Variants in P4HA3 observed in about 807,000 individuals in gnomAD.
P4HA3 encodes prolyl 4-hydroxylase subunit alpha-3.
In P4HA3, 60 loss-of-function variants were observed where a neutral mutation model predicts 66.7. The observed-to-expected ratio is 0.90, with a 90% confidence interval of 0.73 to 1.12. The LOEUF (loss-of-function observed/expected upper bound fraction) is 1.12. Ranked by LOEUF, P4HA3 falls within the 50% of genes most tolerant of loss-of-function variation. The pLI, the probability that P4HA3 is intolerant of heterozygous loss-of-function variation, is 0.00. For missense variants in P4HA3, 683 were observed against 685.8 expected (o/e 1.00, Z 0.05); for synonymous variants, 263 against 274.6 (o/e 0.96, Z 0.42).
Position 74,285,959 on chromosome 11 carries a change from G to A in P4HA3, c.960C>T (p.Leu320=). The A allele has an allele frequency of 6.2e-7, 1 of 1,610,206 alleles. No homozygotes were observed. The change falls in exon 7 of 13, where the codon CTC becomes CTT. Residue 320 remains leucine (L), a synonymous_variant. Transcript: ENST00000331597. The part of the protein sequence containing the change: ...SQPTLYQIPS[L]YCSYETNSNA... ...TGGAATTGGTCTCATAGGAACAGTA[G>A]AGGCTAGGGATCTGGTAGAGAGTGG...
chr11:74,275,572 G>A lies in P4HA3; in HGVS notation c.1335+1413C>T, dbSNP rs73550738. On this transcript the variant is annotated intron_variant, in intron 9 of 12. Transcript: ENST00000331597. The stretch of plus-strand genomic sequence containing the variant: ...CTGGTACCACACTGCCTTGATTCCT[G>A]TAGCTCTATATTAAGTTTTGAGATC... Among the ~76,000 whole-genome samples the A allele has an allele frequency of 2.4e-3, 372 of 152,238 alleles. 2 individuals carry two copies. Among genetic ancestry groups the A allele is most frequent in the African/African-American group, 8.6e-3 (356 of 41,554 alleles).
Position 74,311,566 on chromosome 11 carries a change from G to T in P4HA3, c.46C>A (p.Leu16Ile). 1 of 1,535,616 alleles carries T rather than the reference G, an allele frequency of 6.5e-7. No homozygotes were observed. Among genetic ancestry groups the T allele is most frequent in the Non-Finnish European group, 8.7e-7 (1 of 1,152,154 alleles). Residue 16 changes from leucine to isoleucine, a missense_variant, in exon 1 of 13, where the codon CTC (leucine) becomes ATC (isoleucine). Leu to Ile is a conservative substitution (Grantham distance 5, BLOSUM62 2). Coordinates refer to ENST00000331597, the MANE Select transcript of P4HA3 (RefSeq NM_182904.5). Reference protein sequence around the residue: ...RLAALLAVLALGTGDPERAAA... With the variant: ...RLAALLAVLAIGTGDPERAAA... Reference sequence around the variant, plus strand: ...GCCCTTTCTGGGTCTCCTGTCCCGAGCGCCAGCACCGCCAGCAGCGCCGCC... The same window carrying T: ...GCCCTTTCTGGGTCTCCTGTCCCGATCGCCAGCACCGCCAGCAGCGCCGCC...
chr11:74,311,335 A>G, intron 1 of P4HA3, 77 bp downstream of exon 1: 5 of 1,379,988 alleles, frequency 3.6e-6, no homozygotes, highest in Non-Finnish European at 4.7e-6. Flanking sequence ...GGTCACACTC[A>G]ACCTGAGTCA....
In P4HA3 at chr11:74,285,856, C is replaced by T. The variant is rs372242422; in HGVS notation, c.1063G>A (p.Val355Ile). ...EPYIALYHDF[V>I]SDSEAQKIRE... Reference sequence around the variant, plus strand: ...ATTTTCTGAGCCTCTGAGTCACTGACGAAGTCATGGTAGAGAGCAATGTAG... The same window carrying T: ...ATTTTCTGAGCCTCTGAGTCACTGATGAAGTCATGGTAGAGAGCAATGTAG... The change falls in exon 7 of 13, where the codon GTC becomes ATC. Residue 355 changes from valine to isoleucine, a missense_variant. Val to Ile is a conservative substitution (Grantham distance 29). Transcript: ENST00000331597. 7.7e-5 allele frequency: 125 copies of T among 1,613,942 alleles called. No individual in the cohort carries two copies. The highest frequency in any genetic ancestry group is 9.9e-5 in the Non-Finnish European group (117 of 1,179,980).
In P4HA3 at chr11:74,311,433, G is replaced by A; in HGVS notation, c.179C>T (p.Ala60Val). ...LLRRYLRGEE[A>V]RLRDLTRFYD... ...TCACCTAGTCAGGTCCCGCAGCCGC[G>A]CCTCCTCCCCGCGCAGGTACCGCCT... The change falls in exon 1 of 13, where the codon GCG becomes GTG. Residue 60 changes from alanine (A) to valine (V), a missense_variant. Ala to Val is a moderately conservative substitution (Grantham distance 64, BLOSUM62 0). Coordinates refer to ENST00000331597, the MANE Select transcript of P4HA3 (RefSeq NM_182904.5). 2 of 1,533,034 alleles carry A rather than the reference G, an allele frequency of 1.3e-6. No homozygotes were observed. The highest frequency in any genetic ancestry group is 2.0e-5 in the Admixed American group (1 of 50,460). The allele number at this position is 1,533,034 out of a possible 1,614,324, so 95.0% of individuals were successfully genotyped here.
intron 9 of P4HA3, 94 bp from the exon 10 acceptor site, chr11:74,273,701 G>A (rs1162082955): frequency 9.8e-7 from 1 of 1,016,828 alleles, no homozygotes; most frequent in Non-Finnish European, 1.3e-6. Context: ...AAGTAAAATG[G>A]GGGCATCAAA....
intron 4 of P4HA3, among the ~76,000 whole-genome samples, chr11:74,291,030 T>C (rs1254599646): frequency 6.6e-6 from 1 of 152,224 alleles, no homozygotes; most frequent in Admixed American, 6.5e-5. Flanking sequence ...ATAAATTACT[T>C]TGGGCAGTAT....
intron 9 of P4HA3, among the ~76,000 whole-genome samples, chr11:74,274,300 T>G (rs1008917484): frequency 1.3e-5 from 2 of 149,494 alleles, no homozygotes; most frequent in Non-Finnish European, 1.5e-5. Context: ...TTGGTTTTTT[T>G]TTTGTTTTTT....
chr11:74,264,070 G>C (rs1375893908), downstream of P4HA3, among the ~76,000 whole-genome samples: 1 of 152,214 alleles, frequency 6.6e-6, no homozygotes, highest in Admixed American at 6.5e-5. Context: ...ATGGAGACTA[G>C]TGCAAATACA....
At chr11:74,300,591 G>T (rs1861376283) in intron 3 of P4HA3, among the ~76,000 whole-genome samples, 1 of 152,168 alleles carries the variant, frequency 6.6e-6, no homozygotes, top group Non-Finnish European at 1.5e-5. Flanking sequence ...AGCCATGATT[G>T]TGTCACTGCA....
In P4HA3 at chr11:74,266,965, A is replaced by G; in HGVS notation, c.*283T>C. ...ACTGTTGAGATGTCCTGTTCCCAACAGAGAGTATCTGAACTCCAGAAACTT... is the reference window on the plus strand; with the variant it reads ...ACTGTTGAGATGTCCTGTTCCCAACGGAGAGTATCTGAACTCCAGAAACTT... On this transcript the variant is annotated 3_prime_UTR_variant, in exon 13 of 13. Transcript: ENST00000331597. 7.1e-7 allele frequency: 1 copy of G among 1,414,472 alleles called. No individual in the cohort carries two copies. Among genetic ancestry groups the G allele is most frequent in the Non-Finnish European group, 9.4e-7 (1 of 1,063,486 alleles). The allele number at this position is 1,414,472 out of a possible 1,614,324, so 87.6% of individuals were successfully genotyped here.
At chr11:74,287,640 A>G (rs1374464170) in intron 5 of P4HA3, among the ~76,000 whole-genome samples, 2 of 152,240 alleles carry the variant, frequency 1.3e-5, no homozygotes, top group African/African-American at 4.8e-5. Context: ...AAATGGATTC[A>G]TTAAAAAGTT....
rs1307090081 is a variant in P4HA3 at position 74,277,085 on chromosome 11, G to A, written c.1235C>T (p.Ala412Val). Residue 412 changes from alanine to valine, a missense_variant, in exon 9 of 13, where the codon GCC becomes GTC. By Grantham distance (64) the Ala-to-Val change is moderately conservative. Coordinates refer to ENST00000331597, the MANE Select transcript of P4HA3 (RefSeq NM_182904.5). The stretch of plus-strand genomic sequence containing the variant: ...AGGCCGGACATCAAGGCCTGTGAGG[G>A]CAGCAATGCGGTGGTTGAGGGTCAC... Reference protein sequence around the residue: ...KLVTLNHRIAALTGLDVRPPY... With the variant: ...KLVTLNHRIAVLTGLDVRPPY... The A allele has an allele frequency of 6.2e-7, 1 of 1,614,144 alleles. No homozygotes were observed. The highest frequency in any genetic ancestry group is 1.7e-5 in the Admixed American group (1 of 60,006).
intron 4 of P4HA3, among the ~76,000 whole-genome samples, chr11:74,291,554 C>T (rs1425663501): frequency 2.0e-5 from 3 of 152,166 alleles, no homozygotes; most frequent in Admixed American, 1.3e-4. Context: ...CCAGTTTTTG[C>T]CCATTCAGTA....
At chr11:74,267,366 C>G (rs749264705) in intron 12 of P4HA3, 48 bp from the exon 13 acceptor site, 12 of 1,605,972 alleles carry the variant, frequency 7.5e-6, no homozygotes, top group Non-Finnish European at 5.1e-6. Context: ...GCAGAACAGA[C>G]AGCAGCAATG....
At chr11:74,259,598 C>A (rs1859878028) in intron 15 of P4HA3, among the ~76,000 whole-genome samples, 1 of 152,180 alleles carries the variant, frequency 6.6e-6, no homozygotes, top group African/African-American at 2.4e-5. Context: ...TAAGCAATAA[C>A]TCCTGCCTGC....
chr11:74,302,635 G>C (rs1305921206), intron 2 of P4HA3, 43 bp from the exon 3 acceptor site: 1 of 1,548,300 alleles, frequency 6.5e-7, no homozygotes, highest in Admixed American at 1.9e-5. Context: ...TCAAGAAACA[G>C]GAGTTGGGCA....
chr11:74,278,832 C>T (rs1860487894), intron 8 of P4HA3, among the ~76,000 whole-genome samples: 2 of 152,116 alleles, frequency 1.3e-5, no homozygotes, highest in Non-Finnish European at 2.9e-5. Context: ...GGTCTGGCCT[C>T]CCCCCAAGGA....
rs1346960223 is a variant in P4HA3, at chr11:74,305,671, A to G, written c.201-1259T>C. On this transcript the variant is annotated intron_variant, in intron 1 of 12. Transcript: ENST00000331597. ...CTACACGAGTTATTTGCTAGATGTCAGACTCCATGCTAGATTCTAGGGATA... is the reference window on the plus strand; with the variant it reads ...CTACACGAGTTATTTGCTAGATGTCGGACTCCATGCTAGATTCTAGGGATA... Among the ~76,000 whole-genome samples, 155 of 152,364 alleles carry G rather than the reference A, an allele frequency of 1.0e-3. 1 individual carries two copies. Among genetic ancestry groups the G allele is most frequent in the Admixed American group, 1.0e-2 (153 of 15,304 alleles).
Sources: allele counts gnomAD v4.1 joint callset (sites outside exome capture counted in the v4.1 genomes callset), GRCh38; gene constraint gnomAD v4.1.1; transcripts MANE v1.5; gene names NCBI Gene and HGNC (gene_info 2026-07-23, HGNC 2026-07-21).